VPS13B: variants seen among roughly 807,000 people sequenced by gnomAD.
The protein encoded by VPS13B is vacuolar protein sorting 13 homolog B.
In VPS13B, 285 loss-of-function variants were observed where a neutral mutation model predicts 426.4. That is an observed-to-expected ratio of 0.67 (90% CI 0.61 to 0.74). The LOEUF is 0.74. Among genes scored for constraint, VPS13B ranks in the 30% least tolerant of loss-of-function variants. The probability of loss-of-function intolerance (pLI) is 0.00; values close to 1 mark genes in which losing one functional copy is unlikely to be tolerated. For synonymous variants in VPS13B, 1,676 were observed against 1,676.4 expected, an observed-to-expected ratio of 1.00 and a Z score of 0.01; for missense variants, 4,537 against 4,782.6, an observed-to-expected ratio of 0.95 and a Z score of 1.51.
chr8:99,448,868 A>G (rs921386704), intron 23 of VPS13B, among the ~76,000 whole-genome samples: 1 of 152,194 alleles, frequency 6.6e-6, no homozygotes, highest in Non-Finnish European at 1.5e-5. Context: ...CAAAATGTAG[A>G]TAACTTTCAA....
chr8:99,508,888 G>T (rs1362540527), intron 28 of VPS13B, among the ~76,000 whole-genome samples: 1 of 151,188 alleles, frequency 6.6e-6, no homozygotes, highest in Non-Finnish European at 1.5e-5. Context: ...TATGTTAAGG[G>T]AGTTAAGGAT....
intron 3 of VPS13B, among the ~76,000 whole-genome samples, chr8:99,083,334 C>T (rs1453212064): frequency 2.6e-5 from 4 of 152,130 alleles, no homozygotes; most frequent in African/African-American, 7.2e-5. Flanking sequence ...CTGAAGTTGC[C>T]TATCAGCTTA....
At chr8:99,119,722 G>C (rs1372857474) in intron 7 of VPS13B, among the ~76,000 whole-genome samples, 2 of 152,132 alleles carry the variant, frequency 1.3e-5, no homozygotes, top group Non-Finnish European at 2.9e-5. Flanking sequence ...AGAGTCTCCT[G>C]TCATAAGAGT....
intron 21 of VPS13B, among the ~76,000 whole-genome samples, chr8:99,412,606 T>C (rs1815744410): frequency 6.6e-6 from 1 of 152,198 alleles, no homozygotes; most frequent in African/African-American, 2.4e-5. Context: ...TCCAATACTA[T>C]GTGGAATAGG....
intron 33 of VPS13B, among the ~76,000 whole-genome samples, chr8:99,618,653 A>T (rs756376739): frequency 6.6e-6 from 1 of 152,170 alleles, no homozygotes; most frequent in African/African-American, 2.4e-5. Flanking sequence ...GCTAAACTTA[A>T]CTCTGAGAAT....
chr8:99,182,724 C>T (rs1281296735), intron 16 of VPS13B, among the ~76,000 whole-genome samples: 1 of 152,040 alleles, frequency 6.6e-6, no homozygotes, highest in African/African-American at 2.4e-5. Flanking sequence ...AAGAGAAAGT[C>T]TATATTTATT....
chr8:99,746,862 C>A (rs1193620408), intron 39 of VPS13B, among the ~76,000 whole-genome samples: 1 of 152,100 alleles, frequency 6.6e-6, no homozygotes, highest in Non-Finnish European at 1.5e-5. Context: ...TCCCTTGCCC[C>A]AATTCTGGAC....
chr8:99,045,082 T>G (rs1224237586), intron 3 of VPS13B, among the ~76,000 whole-genome samples: 3 of 152,228 alleles, frequency 2.0e-5, no homozygotes, highest in Non-Finnish European at 4.4e-5. Context: ...GTAGTGGGAT[T>G]GCTGGATCAA....
At position 99,827,081 on chromosome 8, in the gene VPS13B, T is replaced by C. The variant is rs56732979; in HGVS notation, c.9330+3103T>C. On this transcript the variant is annotated intron_variant, in intron 51 of 61. Transcript: ENST00000357162. ...TTTTGGTATCAGGATGATGGTGGCCTCATGAGATGAGTTAGGTAGGAGTCC... is the reference window on the plus strand; with the variant it reads ...TTTTGGTATCAGGATGATGGTGGCCCCATGAGATGAGTTAGGTAGGAGTCC... 2.1e-3 allele frequency among the ~76,000 whole-genome samples: 322 copies of C among 152,306 alleles called. 7 individuals are homozygous for C. In the East Asian group the frequency reaches 0.039, roughly 18 times the overall value.
intron 30 of VPS13B, among the ~76,000 whole-genome samples, chr8:99,523,171 C>T (rs921032854): frequency 6.6e-5 from 10 of 152,140 alleles, no homozygotes; most frequent in East Asian, 3.9e-4. Flanking sequence ...CTTTGTCTTG[C>T]GGCTTGGGTG....
intron 36 of VPS13B, among the ~76,000 whole-genome samples, chr8:99,710,799 G>C (rs1832680389): frequency 7.0e-6 from 1 of 142,424 alleles, no homozygotes; most frequent in Non-Finnish European, 1.5e-5. Context: ...AGACCAGCCT[G>C]ACCAATGTGG....
intron 31 of VPS13B, among the ~76,000 whole-genome samples, chr8:99,564,742 A>G (rs2133784429): frequency 6.6e-6 from 1 of 152,352 alleles, no homozygotes; most frequent in Middle Eastern, 3.4e-3. Context: ...AAGTTGTTAT[A>G]AAACAAAAAC....
chr8:99,287,295 C>T (rs367623692), intron 19 of VPS13B, among the ~76,000 whole-genome samples: 9 of 151,366 alleles, frequency 5.9e-5, no homozygotes, highest in South Asian at 2.1e-4. Flanking sequence ...TCTCTCCCTC[C>T]GTACTGTATA....
intron 35 of VPS13B, among the ~76,000 whole-genome samples, chr8:99,690,599 T>C (rs1831613657): frequency 6.6e-6 from 1 of 152,086 alleles, no homozygotes; most frequent in Admixed American, 6.6e-5. Context: ...CATGTATCTA[T>C]ATATATCAAA....
chr8:99,764,409 CTTTTTTT>C (rs1009917177), intron 39 of VPS13B, among the ~76,000 whole-genome samples: 3 of 111,698 alleles, frequency 2.7e-5, no homozygotes, highest in East Asian at 2.5e-4. Context: ...GAGAGAGATT[CTTTTTTT>C]TTTTTTTTTT....
chr8:99,424,844 G>C (rs952623790), intron 21 of VPS13B, among the ~76,000 whole-genome samples: 7 of 152,062 alleles, frequency 4.6e-5, no homozygotes, highest in Admixed American at 4.6e-4. Flanking sequence ...AGAAAAGAGA[G>C]AAGAATCAAA....
intron 25 of VPS13B, among the ~76,000 whole-genome samples, chr8:99,493,797 A>G (rs916901113): frequency 2.5e-4 from 38 of 149,562 alleles, no homozygotes; most frequent in Middle Eastern, 3.4e-3. Context: ...AAAAAAAAAA[A>G]AAAAGAAAAG....
At chr8:99,365,356 T>C (rs1352304250) in intron 19 of VPS13B, among the ~76,000 whole-genome samples, 1 of 151,960 alleles carries the variant, frequency 6.6e-6, no homozygotes, top group Admixed American at 6.5e-5. Flanking sequence ...AGATATATCA[T>C]TAGGTTGTTT....
At chr8:99,433,026 T>C (rs146212583) in intron 22 of VPS13B, among the ~76,000 whole-genome samples, 1 of 152,332 alleles carries the variant, frequency 6.6e-6, no homozygotes, top group East Asian at 1.9e-4. Flanking sequence ...ATAATGGTGA[T>C]GATCCTGCTT....
Sources: allele counts gnomAD v4.1 joint callset (sites outside exome capture counted in the v4.1 genomes callset), GRCh38; gene constraint gnomAD v4.1.1; transcripts MANE v1.5; gene names NCBI Gene and HGNC (gene_info 2026-07-23, HGNC 2026-07-21).